DENND3: variants seen among roughly 807,000 people sequenced by gnomAD.
DENND3 encodes DENN domain containing 3.
Under a neutral mutation model 135.1 loss-of-function variants are expected in DENND3, and 88 were observed. That is an observed-to-expected ratio of 0.65 (90% CI 0.55 to 0.78). The LOEUF (loss-of-function observed/expected upper bound fraction) is 0.78. Ranked by LOEUF, DENND3 falls within the 30% of genes least tolerant of loss-of-function variation. The pLI, the probability that DENND3 is intolerant of heterozygous loss-of-function variation, is 0.00. For missense variants in DENND3, 1,392 were observed against 1,688.4 expected (o/e 0.82, Z 3.08); for synonymous variants, 693 against 712.3 (o/e 0.97, Z 0.43).
intron 22 of DENND3, 133 bp from the exon 23 acceptor site, chr8:141,193,900 G>A (rs1319365503): frequency 6.8e-6 from 7 of 1,027,986 alleles, no homozygotes; most frequent in African/African-American, 3.2e-5. Context: ...CTGACCCTCA[G>A]GCGGCAGAGG....
rs62522179 is a variant in DENND3, at chr8:141,144,597, G to A, written c.735+338G>A. The stretch of plus-strand genomic sequence containing the variant: ...CTAAGCCTCCCTACTGACTGAACAG[G>A]TTCCCTCTTGGCCAACGGGACCCTA... On this transcript the variant is annotated intron_variant, in intron 5 of 22. Coordinates refer to ENST00000519811, the MANE Select transcript of DENND3 (RefSeq NM_001352890.3). The surrounding 1 kb of genome is among the most constrained non-coding windows in gnomAD (Gnocchi z 4.4). Among the ~76,000 whole-genome samples, 1 of 152,038 alleles carries A rather than the reference G, an allele frequency of 6.6e-6. No individual in the cohort carries two copies. The highest frequency in any genetic ancestry group is 2.4e-5 in the African/African-American group (1 of 41,376).
In DENND3 at chr8:141,167,046, A is replaced by G. The variant is rs1030815006; in HGVS notation, c.1753+657A>G. 3.9e-5 allele frequency among the ~76,000 whole-genome samples: 6 copies of G among 152,154 alleles called. No homozygotes were observed. Among genetic ancestry groups the G allele is most frequent in the South Asian group, 2.1e-4 (1 of 4,828 alleles). On this transcript the variant is annotated intron_variant, in intron 12 of 22. Transcript: ENST00000519811. The surrounding 1 kb of genome is among the most constrained non-coding windows in gnomAD (Gnocchi z 4.1). Reference sequence around the variant, plus strand: ...AAGTACCATGTGGCTCCTCCTGATCACTGTGCTGGGACCCCAGGAGCTGCA... The same window carrying G: ...AAGTACCATGTGGCTCCTCCTGATCGCTGTGCTGGGACCCCAGGAGCTGCA...
At chr8:141,169,656 T>C (rs1821264083) in intron 13 of DENND3, among the ~76,000 whole-genome samples, 1 of 152,186 alleles carries the variant, frequency 6.6e-6, no homozygotes, top group African/African-American at 2.4e-5. Context: ...GGAGCTTTCT[T>C]TTCTGGCCAT....
In DENND3 at chr8:141,168,061, C is replaced by T. The variant is rs764333152; in HGVS notation, c.1811C>T (p.Pro604Leu). Residue 604 changes from proline (P) to leucine (L), a missense_variant, in exon 13 of 23, where the codon CCG becomes CTG. Transcript: ENST00000519811. This position sits in a 1 kb window ranked among gnomAD's most constrained non-coding sequence, Gnocchi z 6.2. ...YTFKIPEIHF[P>L]LESKCVQAYH... ...TTCAAGATTCCCGAAATCCACTTTC[C>T]GCTGGAGAGCAAGTGCGTGCAGGCA... 6.2e-6 allele frequency: 10 copies of T among 1,613,938 alleles called. No individual in the cohort carries two copies. The highest frequency in any genetic ancestry group is 2.2e-5 in the East Asian group (1 of 44,892).
Position 141,175,589 on chromosome 8 carries a change from T to C in DENND3, c.2535+130T>C, listed in dbSNP as rs1555550922. 2 of 1,402,902 alleles carry C rather than the reference T, an allele frequency of 1.4e-6. No homozygotes were observed. The highest frequency in any genetic ancestry group is 2.0e-6 in the Non-Finnish European group (2 of 1,008,668). The allele number at this position is 1,402,902 out of a possible 1,614,324, so 86.9% of individuals were successfully genotyped here. On this transcript the variant is annotated intron_variant, in intron 14 of 22. Transcript: ENST00000519811. This position sits in a 1 kb window ranked among gnomAD's most constrained non-coding sequence, Gnocchi z 5.4. Reference sequence around the variant, plus strand: ...CAGCCCTTCTGCAGACCGAATGCCTTCCTGTCCCTCAGTTTGCTCATCTGT... The same window carrying C: ...CAGCCCTTCTGCAGACCGAATGCCTCCCTGTCCCTCAGTTTGCTCATCTGT...
At chr8:141,181,357 A>G (rs1823071618) in intron 17 of DENND3, among the ~76,000 whole-genome samples, 1 of 152,194 alleles carries the variant, frequency 6.6e-6, no homozygotes, top group Admixed American at 6.5e-5. Flanking sequence ...ACTCTTGCTC[A>G]CATCGTTTCC....
intron 14 of DENND3, chr8:141,176,367 C>T: frequency 3.6e-6 from 2 of 562,470 alleles, no homozygotes; most frequent in South Asian, 2.3e-5. Context: ...ACTGGGCGAG[C>T]CCAGCTGTGT....
chr8:141,176,270 AAAAAAC>A (rs1822324643), intron 14 of DENND3: 1 of 200,972 alleles, frequency 5.0e-6, no homozygotes, highest in Admixed American at 6.3e-5. Flanking sequence ...TGGAAGTAAA[AAAAAAC>A]AAAAACAAAA....
In DENND3 at chr8:141,163,408, G is replaced by T. The variant is rs751612448; in HGVS notation, c.1428G>T (p.Gly476=). 23 of 1,612,376 alleles carry T rather than the reference G, an allele frequency of 1.4e-5. No individual in the cohort carries two copies. Among genetic ancestry groups the T allele is most frequent in the Middle Eastern group, 1.6e-4 (1 of 6,078 alleles). The change falls in exon 10 of 23, where the codon GGG becomes GGT. Residue 476 remains glycine, a synonymous_variant. Transcript: ENST00000519811. The stretch of plus-strand genomic sequence containing the variant: ...AATTTCTCAAAACCAGGGCTCCAGG[G>T]GACCATCAGTTTTATAAGCAGGTGA... ...SEEFLKTRAP[G]DHQFYKQVLD...
chr8:141,174,179 T>A lies in DENND3; in HGVS notation c.2276-1021T>A, dbSNP rs550457728. 6.6e-6 allele frequency among the ~76,000 whole-genome samples: 1 copy of A among 151,102 alleles called. No homozygotes were observed. The highest frequency in any genetic ancestry group is 2.1e-4 in the South Asian group (1 of 4,734). ...TGGTACGGCTGGGCTGTGGGGTGGG[T>A]AGGTGGGGCCCAATCTTGGAAGAAT... On this transcript the variant is annotated intron_variant, in intron 13 of 22. Coordinates refer to ENST00000519811, the MANE Select transcript of DENND3 (RefSeq NM_001352890.3). The surrounding 1 kb of genome is among the most constrained non-coding windows in gnomAD (Gnocchi z 4.6).
chr8:141,162,708 G>T (rs1820287880), intron 9 of DENND3, among the ~76,000 whole-genome samples: 1 of 152,156 alleles, frequency 6.6e-6, no homozygotes, highest in African/African-American at 2.4e-5. Flanking sequence ...GGCCGAGGTG[G>T]GTGGATCACC....
intron 3 of DENND3, among the ~76,000 whole-genome samples, chr8:141,140,526 G>T (rs139873195): frequency 6.6e-6 from 1 of 152,342 alleles, no homozygotes; most frequent in Non-Finnish European, 1.5e-5. Context: ...GTTGGAACTT[G>T]AGTAGACTGA....
In DENND3 at chr8:141,168,414, A is replaced by G. The variant is rs750158523; in HGVS notation, c.2164A>G (p.Lys722Glu). 1.2e-6 allele frequency: 2 copies of G among 1,613,772 alleles called. No homozygotes were observed. Among genetic ancestry groups the G allele is most frequent in the African/African-American group, 2.7e-5 (2 of 74,924 alleles). The change falls in exon 13 of 23, where the codon AAG becomes GAG. Residue 722 changes from lysine to glutamate, a missense_variant. Transcript: ENST00000519811. The surrounding 1 kb of genome is among the most constrained non-coding windows in gnomAD (Gnocchi z 6.2). ...GCTGGACGACCACGTGAAGAAGTTC[A>G]AGCTGCCCAAGAAGCACATGCAGCT... ...SKLDDHVKKF[K>E]LPKKHMQLGD...
In DENND3 at chr8:141,188,726, G is replaced by C. The variant is rs776593529; in HGVS notation, c.3085-260G>C. On this transcript the variant is annotated intron_variant, in intron 18 of 22. Transcript: ENST00000519811. Reference sequence around the variant, plus strand: ...TTCAGGCCGCAGTGACAGTGCTGGCGGCCGTGGGTTTCGTGTTAATGAATC... The same window carrying C: ...TTCAGGCCGCAGTGACAGTGCTGGCCGCCGTGGGTTTCGTGTTAATGAATC... The C allele has an allele frequency of 1.2e-4, 50 of 430,110 alleles. 1 individual carries two copies. Among genetic ancestry groups the C allele is most frequent in the Admixed American group, 4.2e-4 (9 of 21,202 alleles). The allele number at this position is 430,110 out of a possible 1,614,324, so 26.6% of individuals were successfully genotyped here.
chr8:141,142,489 C>T (rs568937038), intron 4 of DENND3: 10 of 418,382 alleles, frequency 2.4e-5, no homozygotes, highest in East Asian at 1.5e-4. Flanking sequence ...ATCAATGACT[C>T]GTAATTCAAA....
chr8:141,186,874 G>A (rs985843685), intron 18 of DENND3, among the ~76,000 whole-genome samples: 1 of 152,124 alleles, frequency 6.6e-6, no homozygotes, highest in Non-Finnish European at 1.5e-5. Flanking sequence ...CGTCAGCGCT[G>A]TGAGCTGCCC....
intron 13 of DENND3, among the ~76,000 whole-genome samples, chr8:141,172,441 C>T (rs982290790): frequency 1.3e-5 from 2 of 152,282 alleles, no homozygotes; most frequent in East Asian, 3.9e-4. Flanking sequence ...CCTGAGCGCC[C>T]TCACACTGAG....
rs1824521028 is a variant in DENND3 at position 141,190,145 on chromosome 8, A to C, written c.3246-139A>C. On this transcript the variant is annotated intron_variant, in intron 19 of 22. Transcript: ENST00000519811. ...TACGTTTGCAGGTTATTATGTTTGC[A>C]TGTTATTATCATGTTTGCAGGTTAT... 3.5e-6 allele frequency: 4 copies of C among 1,155,854 alleles called. No homozygotes were observed. In the East Asian group the frequency reaches 1.2e-4, roughly 33 times the overall value. The allele number at this position is 1,155,854 out of a possible 1,614,324, so 71.6% of individuals were successfully genotyped here.
Position 141,128,837 on chromosome 8 carries a change from G to T in DENND3, c.102+28G>T. 1 of 1,356,610 alleles carries T rather than the reference G, an allele frequency of 7.4e-7. No homozygotes were observed. The highest frequency in any genetic ancestry group is 9.6e-7 in the Non-Finnish European group (1 of 1,045,236). 84.0% of individuals were successfully genotyped at this position (1,356,610 alleles called of 1,614,324 possible). A position where few individuals can be genotyped will look rare whatever the true frequency, so the allele number is the denominator to read the frequency against. On this transcript the variant is annotated intron_variant, in intron 1 of 22. Coordinates refer to ENST00000519811, the MANE Select transcript of DENND3 (RefSeq NM_001352890.3). This position sits in a 1 kb window ranked among gnomAD's most constrained non-coding sequence, Gnocchi z 4.5. ...GAGGGGCGGGGAAACTGAGGCGGAC[G>T]TGGGCCACGAGTCGGCAGCCGGGAC...
Sources: allele counts gnomAD v4.1 joint callset (sites outside exome capture counted in the v4.1 genomes callset), GRCh38; gene constraint gnomAD v4.1.1; non-coding constraint Gnocchi (gnomAD v3.1); transcripts MANE v1.5; gene names NCBI Gene and HGNC (gene_info 2026-07-23, HGNC 2026-07-21).